Variants in OGDH observed in about 807,000 individuals in gnomAD.
OGDH encodes the protein 2-oxoglutarate dehydrogenase complex component E1.
A neutral mutation model predicts 116.6 loss-of-function variants in OGDH; 38 were observed. The ratio of observed to expected loss-of-function variants is 0.33; its 90% CI spans 0.25 to 0.43. The LOEUF is 0.43. OGDH is among the 20% of genes least tolerant of loss of function. The probability of loss-of-function intolerance (pLI) is 1.00; values close to 1 mark genes in which losing one functional copy is unlikely to be tolerated. For missense variants in OGDH, 825 were observed against 1,357.2 expected, an observed-to-expected ratio of 0.61 and a Z score of 6.16; for synonymous variants, 488 against 533.3, an observed-to-expected ratio of 0.92 and a Z score of 1.17.
chr7:44,696,238 T>C, intron 13 of OGDH, 111 bp downstream of exon 13: 1 of 1,018,666 alleles, frequency 9.8e-7, no homozygotes, highest in Non-Finnish European at 1.5e-6. Context: ...CAATGCACAG[T>C]TGTATGCACC....
At chr7:44,699,200 G>A (rs576142297) in intron 18 of OGDH, among the ~76,000 whole-genome samples, 95 of 152,104 alleles carry the variant, frequency 6.2e-4, no homozygotes, top group African/African-American at 2.3e-3. Context: ...GGCCCAGGCA[G>A]GTGGATCACG....
At chr7:44,639,943 G>GTA (rs1785854128) in intron 2 of OGDH, among the ~76,000 whole-genome samples, 2 of 152,206 alleles carry the variant, frequency 1.3e-5, no homozygotes, top group Admixed American at 1.3e-4. Flanking sequence ...CTGAATTTCC[G>GTA]TCTGTGCAGT....
chr7:44,683,373 C>A (rs553843269), intron 10 of OGDH, among the ~76,000 whole-genome samples: 1 of 152,078 alleles, frequency 6.6e-6, no homozygotes, highest in East Asian at 1.9e-4. Flanking sequence ...GGACTATAGA[C>A]GTGCACCACC....
In OGDH at chr7:44,697,159, G is replaced by C. The variant is rs1173881666; in HGVS notation, c.2051+95G>C. Reference sequence around the variant, plus strand: ...CTTTTCCGGAAGACGGTTAGAAACCGGAAGAGTCACATTGCTCTCAGGCTG... The same window carrying C: ...CTTTTCCGGAAGACGGTTAGAAACCCGAAGAGTCACATTGCTCTCAGGCTG... On this transcript the variant is annotated intron_variant, in intron 15 of 22. Transcript: ENST00000222673. The surrounding 1 kb of genome is among the most constrained non-coding windows in gnomAD (Gnocchi z 6.0). 1.8e-5 allele frequency: 27 copies of C among 1,527,120 alleles called. No homozygotes were observed. The South Asian group carries it at 3.1e-4, about 17-fold the overall frequency. 94.6% of individuals were successfully genotyped at this position (1,527,120 alleles called of 1,614,324 possible).
At chr7:44,701,445 A>G in intron 19 of OGDH, 98 bp from the exon 20 acceptor site, 1 of 995,376 alleles carries the variant, frequency 1.0e-6, no homozygotes, top group Non-Finnish European at 1.6e-6. Flanking sequence ...GGTGTGTTTC[A>G]TGGCCTGAAG....
chr7:44,645,451 C>T lies in OGDH; in HGVS notation c.347C>T (p.Ala116Val). 6.2e-7 allele frequency: 1 copy of T among 1,614,192 alleles called. No homozygotes were observed. Among genetic ancestry groups the T allele is most frequent in the East Asian group, 2.2e-5 (1 of 44,872 alleles). Residue 116 changes from alanine to valine, a missense_variant, in exon 3 of 23, where the codon GCA becomes GTA. By Grantham distance (64) the Ala-to-Val change is moderately conservative. Around this residue, in one of 7 missense-constraint regions of OGDH, gnomAD observed 171 missense variants for 276.8 expected, o/e 0.62. Coordinates refer to ENST00000222673, the MANE Select transcript of OGDH (RefSeq NM_002541.4). ...GCCCATGCACAGTCCCTGGTAGAAG[C>T]ACAGCCCAACGTGGACAAGCTCGTG... ...AVAHAQSLVE[A>V]QPNVDKLVED...
At chr7:44,660,805 G>A (rs902567174) in intron 4 of OGDH, among the ~76,000 whole-genome samples, 6 of 152,136 alleles carry the variant, frequency 3.9e-5, no homozygotes, top group Non-Finnish European at 8.8e-5. Context: ...GCGCGTGCCT[G>A]TAGTCCTAGC....
intron 14 of OGDH, 104 bp from the exon 15 acceptor site, chr7:44,696,810 C>A: frequency 1.4e-6 from 2 of 1,397,454 alleles, no homozygotes; most frequent in Non-Finnish European, 1.9e-6. Flanking sequence ...AACCCAGAAA[C>A]TACGAGTAAA....
intron 9 of OGDH, among the ~76,000 whole-genome samples, 180 bp from the exon 10 acceptor site, chr7:44,681,540 T>TA (rs1787929805): frequency 6.6e-6 from 1 of 152,196 alleles, no homozygotes; most frequent in Non-Finnish European, 1.5e-5. Flanking sequence ...GTTGAGCAGA[T>TA]ATACCAAGGT....
rs898967218 is a variant in OGDH, at chr7:44,628,644, C to T, written c.222+4079C>T. On this transcript the variant is annotated intron_variant, in intron 2 of 22. Transcript: ENST00000222673. The stretch of plus-strand genomic sequence containing the variant: ...AAAAAAATGTAAATAGAGATGGAGT[C>T]TCTTTATGTTGTCCAGACTGGTCTT... Among the ~76,000 whole-genome samples the T allele has an allele frequency of 3.3e-5, 5 of 151,628 alleles. 1 individual carries two copies. The South Asian group carries it at 1.0e-3, about 32-fold the overall frequency.
intron 4 of OGDH, among the ~76,000 whole-genome samples, chr7:44,654,584 G>A (rs982352932): frequency 1.3e-5 from 2 of 152,124 alleles, no homozygotes; most frequent in African/African-American, 4.8e-5. Flanking sequence ...AGCGTGCTGT[G>A]TGCCACAGAT....
At chr7:44,693,423 A>G (rs1247555827) in intron 10 of OGDH, among the ~76,000 whole-genome samples, 1 of 152,214 alleles carries the variant, frequency 6.6e-6, no homozygotes, top group African/African-American at 2.4e-5. Flanking sequence ...CCTGGGCAAC[A>G]TGGTGAGACC....
chr7:44,668,911 A>G (rs1228867300), intron 5 of OGDH, among the ~76,000 whole-genome samples: 1 of 152,178 alleles, frequency 6.6e-6, no homozygotes, highest in Non-Finnish European at 1.5e-5. Context: ...GTTTCTGTTG[A>G]ATGTTGCTGA....
chr7:44,657,493 A>G (rs1452507895), intron 4 of OGDH, among the ~76,000 whole-genome samples: 2 of 152,202 alleles, frequency 1.3e-5, no homozygotes, highest in African/African-American at 4.8e-5. Flanking sequence ...GTTTTTAACC[A>G]TTCACCTGTT....
chr7:44,657,207 G>A (rs924708977), intron 4 of OGDH, among the ~76,000 whole-genome samples: 16 of 152,076 alleles, frequency 1.1e-4, no homozygotes, highest in African/African-American at 3.6e-4. Flanking sequence ...CCATCACCAC[G>A]AGGATTCCTC....
In OGDH at chr7:44,707,421, C is replaced by T. The variant is rs745548331; in HGVS notation, c.2796+33C>T. 1.2e-6 allele frequency: 2 copies of T among 1,612,502 alleles called. No homozygotes were observed. The highest frequency in any genetic ancestry group is 1.7e-5 in the Admixed American group (1 of 59,938). ...CAGGTGGTGCCATCAGGGTGTCCCC[C>T]CAGCGGGGGTCAGGGCTCTGGTGCC... On this transcript the variant is annotated intron_variant, in intron 21 of 22. Transcript: ENST00000222673. The surrounding 1 kb of genome is among the most constrained non-coding windows in gnomAD (Gnocchi z 5.2).
At chr7:44,634,195 C>T (rs189284989) in intron 2 of OGDH, among the ~76,000 whole-genome samples, 25 of 152,310 alleles carry the variant, frequency 1.6e-4, no homozygotes, top group African/African-American at 6.0e-4. Context: ...TAGGCCGGAG[C>T]GATTCCTGCA....
chr7:44,623,442 A>G (rs142213975), intron 1 of OGDH, among the ~76,000 whole-genome samples: 1 of 86,192 alleles, frequency 1.2e-5, no homozygotes, highest in East Asian at 2.6e-4. Flanking sequence ...TGTATTTTCC[A>G]TAATATTGTA....
rs1352690191 is a variant in OGDH, at chr7:44,613,042, A to AT, written c.-28+6396dup. Among the ~76,000 whole-genome samples the AT allele has an allele frequency of 4.7e-5, 7 of 148,612 alleles. No homozygotes were observed. The South Asian group carries it at 6.4e-4, about 14-fold the overall frequency. ...ACTACAGGCACGTGCCACCAACGTA[A>AT]TTTTTTTGTATTTTTAGTAGAGACA... On this transcript the variant is annotated intron_variant, in intron 1 of 22. Transcript: ENST00000222673.
Sources: allele counts gnomAD v4.1 joint callset (sites outside exome capture counted in the v4.1 genomes callset), GRCh38; gene constraint gnomAD v4.1.1; regional missense constraint gnomAD v4.1.1; non-coding constraint Gnocchi (gnomAD v3.1); transcripts MANE v1.5; gene names NCBI Gene and HGNC (gene_info 2026-07-23, HGNC 2026-07-21).